The following IK variants were observed in gnomAD, a reference collection of about 807,000 sequenced individuals.
IK encodes the protein protein Red.
In IK, 47 loss-of-function variants were observed where a neutral mutation model predicts 90.9. That is an observed-to-expected ratio of 0.52 (90% CI 0.41 to 0.66). The LOEUF (loss-of-function observed/expected upper bound fraction) is 0.66. Among genes scored for constraint, IK ranks in the 30% least tolerant of loss-of-function variants. The probability of loss-of-function intolerance (pLI) is 0.00; values close to 1 mark genes in which losing one functional copy is unlikely to be tolerated. For missense variants in IK, 385 were observed against 709.3 expected, an observed-to-expected ratio of 0.54 and a Z score of 5.19; for synonymous variants, 201 against 227.5, an observed-to-expected ratio of 0.88 and a Z score of 1.05.
intron 5 of IK, 145 bp from the exon 6 acceptor site, chr5:140,653,793 T>TG (rs1757659150): frequency 3.6e-6 from 2 of 559,814 alleles, no homozygotes; most frequent in South Asian, 2.3e-5. Context: ...TTAGTAGAGA[T>TG]GGGGTTTCAC....
chr5:140,660,513 G>C, intron 15 of IK: 1 of 544,904 alleles, frequency 1.8e-6, no homozygotes, highest in African/African-American at 1.9e-5. Context: ...GGTGAGGCTG[G>C]TCTTGAACTC....
At chr5:140,649,770 T>C (rs936540882) in intron 2 of IK, among the ~76,000 whole-genome samples, 17 of 152,068 alleles carry the variant, frequency 1.1e-4, no homozygotes, top group African/African-American at 3.9e-4. Flanking sequence ...TGACCTCAAA[T>C]GATCTGCCCG....
At chr5:140,651,174 G>A (rs1054164445) in intron 2 of IK, among the ~76,000 whole-genome samples, 6 of 152,050 alleles carry the variant, frequency 3.9e-5, no homozygotes, top group Non-Finnish European at 7.4e-5. Context: ...ATATCTGGTC[G>A]GGCGTGGTGG....
intron 13 of IK, among the ~76,000 whole-genome samples, 195 bp downstream of exon 13, chr5:140,659,528 T>C (rs536261820): frequency 3.9e-5 from 6 of 152,308 alleles, no homozygotes; most frequent in African/African-American, 1.4e-4. Context: ...CTCTTAGATA[T>C]AATTCCTGTG....
rs745863191 is a variant in IK, at chr5:140,654,718, A to G, written c.628A>G (p.Thr210Ala). 3 of 1,600,642 alleles carry G rather than the reference A, an allele frequency of 1.9e-6. No individual in the cohort carries two copies. Among genetic ancestry groups the G allele is most frequent in the Non-Finnish European group, 2.6e-6 (3 of 1,170,030 alleles). Reference protein sequence around the residue: ...EDPENKIEFKTRLGRNVYRML... With the variant: ...EDPENKIEFKARLGRNVYRML... ...TCCTGAAAATAAAATTGAATTTAAA[A>G]CACGTCTGGGTGAGTACAGTTTCTA... Residue 210 changes from threonine (T) to alanine (A), a missense_variant, in exon 8 of 20, where the codon ACA becomes GCA. Thr to Ala is a moderately conservative substitution (Grantham distance 58). Coordinates refer to ENST00000417647, the MANE Select transcript of IK (RefSeq NM_006083.4).
intron 2 of IK, 125 bp from the exon 3 acceptor site, chr5:140,651,588 AC>A: frequency 1.7e-6 from 1 of 602,778 alleles, no homozygotes; most frequent in Non-Finnish European, 2.9e-6. Flanking sequence ...AAAAAAAAAA[AC>A]AGTGTCATAT....
At chr5:140,659,444 G>A (rs1386159979) in intron 13 of IK, 111 bp downstream of exon 13, 7 of 1,155,634 alleles carry the variant, frequency 6.1e-6, no homozygotes, top group Non-Finnish European at 7.8e-6. Flanking sequence ...CTGGGTTCTT[G>A]TAAGAACTGT....
chr5:140,648,196 A>G (rs1185972340), intron 1 of IK: 1 of 704,346 alleles, frequency 1.4e-6, no homozygotes, highest in Admixed American at 2.0e-5. Flanking sequence ...TCCTGTCCCC[A>G]TACTTAATCC....
At position 140,653,098 on chromosome 5, in the gene IK, A is replaced by C; in HGVS notation, c.358A>C (p.Ile120Leu). The change falls in exon 5 of 20, where the codon ATC becomes CTC. Residue 120 changes from isoleucine to leucine, a missense_variant. By Grantham distance (5) the Ile-to-Leu change is conservative (BLOSUM62 2). Around this residue, in one of 8 missense-constraint regions of IK, gnomAD observed 64 missense variants for 144.6 expected, o/e 0.44. Coordinates refer to ENST00000417647, the MANE Select transcript of IK (RefSeq NM_006083.4). ...CAAAGATTATGAAGAAACCGAGCTT[A>C]TCAGCACCACAGCTAACTATAGGGC... is the stretch of plus-strand genomic sequence containing the variant. ...VNKDYEETELISTTANYRAVG... is the reference protein window; with the variant it reads ...VNKDYEETELLSTTANYRAVG... 1.9e-6 allele frequency: 3 copies of C among 1,613,968 alleles called. No homozygotes were observed. Among genetic ancestry groups the C allele is most frequent in the Admixed American group, 3.3e-5 (2 of 60,014 alleles).
rs181014245 is a variant in IK, at chr5:140,650,737, C to A, written c.84-977C>A. ...GATTACAGGCGCCCACCACAACGCC[C>A]AGCTAATTTTTTTGTATTTTTAGTA... On this transcript the variant is annotated intron_variant, in intron 2 of 19. Coordinates refer to ENST00000417647, the MANE Select transcript of IK (RefSeq NM_006083.4). Among the ~76,000 whole-genome samples the A allele has an allele frequency of 2.7e-3, 418 of 152,168 alleles. 3 individuals carry two copies. The highest frequency in any genetic ancestry group is 0.014 in the Middle Eastern group (4 of 294).
rs970366958 is a variant in IK, at chr5:140,654,504, C to T, written c.520-12C>T. On this transcript the variant is annotated splice_polypyrimidine_tract_variant and intron_variant, in intron 6 of 19. Transcript: ENST00000417647. ...AAAATGAGTGTCCTAACCCTGCTTG[C>T]TTTCCTGTTAGGTACGAGCTGAGAT... The T allele has an allele frequency of 2.5e-6, 4 of 1,578,032 alleles. No individual in the cohort carries two copies. The highest frequency in any genetic ancestry group is 3.4e-6 in the Non-Finnish European group (4 of 1,161,384).
chr5:140,659,044 A>G lies in IK; in HGVS notation c.1056A>G (p.Arg352=), dbSNP rs1198722576. Residue 352 remains arginine (R), a synonymous_variant, in exon 12 of 20, where the codon AGA becomes AGG. Transcript: ENST00000417647. ...RERERDRERD[R]DRDRERERER... ...GGGAGCGTGATCGGGAAAGAGACAG[A>G]GACCGTGACCGAGAGCGAGAGCGAG... 5 of 1,612,050 alleles carry G rather than the reference A, an allele frequency of 3.1e-6. No individual in the cohort carries two copies. Among genetic ancestry groups the G allele is most frequent in the South Asian group, 2.2e-5 (2 of 91,036 alleles).
At chr5:140,658,906 A>C in intron 11 of IK, 33 bp from the exon 12 acceptor site, 1 of 1,613,010 alleles carries the variant, frequency 6.2e-7, no homozygotes, top group Non-Finnish European at 8.5e-7. Flanking sequence ...TGTATGTGTG[A>C]ATTTGGCCAG....
At chr5:140,656,277 C>A (rs2149807067) in intron 9 of IK, among the ~76,000 whole-genome samples, 1 of 152,354 alleles carries the variant, frequency 6.6e-6, no homozygotes, top group East Asian at 1.9e-4. Flanking sequence ...ACTGCAAACT[C>A]CGCCTCCCAG....
chr5:140,657,717 A>T, intron 10 of IK, 55 bp downstream of exon 10: 1 of 1,152,704 alleles, frequency 8.7e-7, no homozygotes, highest in South Asian at 1.3e-5. Context: ...TTGGGGATAA[A>T]ACCAAGGTCT....
chr5:140,652,947 C>T (rs773666454), intron 4 of IK, 30 bp from the exon 5 acceptor site: 1 of 1,608,938 alleles, frequency 6.2e-7, no homozygotes, highest in East Asian at 2.2e-5. Context: ...AGCTGATGAG[C>T]CTTATACATT....
chr5:140,659,467 T>G, intron 13 of IK, 134 bp downstream of exon 13: 2 of 961,258 alleles, frequency 2.1e-6, no homozygotes, highest in South Asian at 1.3e-5. Flanking sequence ...CTTGCTTTAT[T>G]GAATAGGTGG....
chr5:140,647,993 C>T, intron 1 of IK, 69 bp downstream of exon 1: 1 of 1,448,338 alleles, frequency 6.9e-7, no homozygotes, highest in African/African-American at 1.4e-5. Flanking sequence ...ATTGTAGCTT[C>T]TGAGCTTAAG....
chr5:140,650,608 C>A (rs1156251786), intron 2 of IK, among the ~76,000 whole-genome samples: 1 of 152,084 alleles, frequency 6.6e-6, no homozygotes, highest in Non-Finnish European at 1.5e-5. Context: ...CAGAGTCTTG[C>A]TCTTTTTGCC....
Sources: allele counts gnomAD v4.1 joint callset (sites outside exome capture counted in the v4.1 genomes callset), GRCh38; gene constraint gnomAD v4.1.1; regional missense constraint gnomAD v4.1.1; transcripts MANE v1.5; gene names NCBI Gene and HGNC (gene_info 2026-07-23, HGNC 2026-07-21).